The following HESX1 variants were observed in gnomAD, a reference collection of about 807,000 sequenced individuals.
The protein encoded by HESX1 is HESX homeobox 1, also known as homeobox expressed in ES cells 1.
Under a neutral mutation model 22.5 loss-of-function variants are expected in HESX1, and 11 were observed. The observed-to-expected ratio is 0.49, with a 90% confidence interval of 0.31 to 0.81. HESX1 has a LOEUF of 0.81. HESX1 is among the 30% of genes least tolerant of loss of function. The pLI is 0.05. For synonymous variants in HESX1, 74 were observed against 76.5 expected, an observed-to-expected ratio of 0.97 and a Z score of 0.17; for missense variants, 201 against 212.6, an observed-to-expected ratio of 0.95 and a Z score of 0.34.
intron 1 of HESX1, among the ~76,000 whole-genome samples, chr3:57,205,889 A>C (rs1226334967): frequency 6.6e-6 from 1 of 152,048 alleles, no homozygotes; most frequent in Non-Finnish European, 1.5e-5. Context: ...TTCACTCCCT[A>C]GCATTCAAAA....
intron 1 of HESX1, among the ~76,000 whole-genome samples, chr3:57,220,318 T>C (rs2060608702): frequency 6.6e-6 from 1 of 152,224 alleles, no homozygotes; most frequent in South Asian, 2.1e-4. Context: ...TTGTCCTGTT[T>C]ATAGTGAATG....
chr3:57,226,020 C>T (rs1247768889), intron 1 of HESX1, among the ~76,000 whole-genome samples: 3 of 151,774 alleles, frequency 2.0e-5, no homozygotes, highest in Non-Finnish European at 4.4e-5. Context: ...GCTGGGACTA[C>T]AGGCACGCCA....
chr3:57,202,399 G>A (rs372954672), upstream of HESX1, among the ~76,000 whole-genome samples: 4 of 151,924 alleles, frequency 2.6e-5, no homozygotes, highest in East Asian at 7.8e-4. Flanking sequence ...GCGGTGGCGT[G>A]ATCTCGGCTC....
chr3:57,209,766 A>G (rs1183967832), intron 1 of HESX1, among the ~76,000 whole-genome samples: 1 of 152,108 alleles, frequency 6.6e-6, no homozygotes, highest in Non-Finnish European at 1.5e-5. Flanking sequence ...GTATTTCACC[A>G]TTAAAATAGT....
intron 1 of HESX1, among the ~76,000 whole-genome samples, chr3:57,224,117 C>G (rs1052372909): frequency 2.0e-5 from 3 of 152,036 alleles, no homozygotes; most frequent in Non-Finnish European, 4.4e-5. Context: ...CTCAGCCTCC[C>G]GAGTAGCTGG....
At chr3:57,215,692 G>A (rs568674400) in intron 1 of HESX1, among the ~76,000 whole-genome samples, 30 of 152,122 alleles carry the variant, frequency 2.0e-4, no homozygotes, top group East Asian at 1.6e-3. Flanking sequence ...GCTTGAACCC[G>A]GGAGGCAGAG....
upstream of HESX1, among the ~76,000 whole-genome samples, chr3:57,201,715 C>T (rs2060487509): frequency 6.6e-6 from 1 of 151,306 alleles, no homozygotes; most frequent in Non-Finnish European, 1.5e-5. Flanking sequence ...CCCTGAGCCC[C>T]GCAGATGAGT....
intron 1 of HESX1, among the ~76,000 whole-genome samples, chr3:57,225,182 C>T (rs553855740): frequency 6.6e-4 from 100 of 152,254 alleles, no homozygotes; most frequent in African/African-American, 2.3e-3. Context: ...TTAGGAAATA[C>T]AACCATATTT....
At chr3:57,215,219 T>C (rs1281955332) in intron 1 of HESX1, among the ~76,000 whole-genome samples, 4 of 152,222 alleles carry the variant, frequency 2.6e-5, no homozygotes, top group South Asian at 2.1e-4. Flanking sequence ...ATATTAGAAA[T>C]AGTTTAAAAT....
chr3:57,222,608 A>T (rs6794708), intron 1 of HESX1, among the ~76,000 whole-genome samples: 56,187 of 151,970 alleles, frequency 0.37, 12,530 homozygotes, highest in East Asian at 0.92. Context: ...CAGAATTCCC[A>T]TGTGGGGTAA....
At chr3:57,219,931 C>T (rs146976713) in intron 1 of HESX1, among the ~76,000 whole-genome samples, 3,649 of 152,226 alleles carry the variant, frequency 0.024, 68 homozygotes, top group South Asian at 0.04. Flanking sequence ...ATGTCCACAA[C>T]GGTATTGCCT....
Position 57,198,951 on chromosome 3 carries a change from C to T in HESX1, c.159G>A (p.Gly53=), listed in dbSNP as rs751219206. 1 of 1,613,762 alleles carries T rather than the reference C, an allele frequency of 6.2e-7. No homozygotes were observed. Among genetic ancestry groups the T allele is most frequent in the Non-Finnish European group, 8.5e-7 (1 of 1,179,758 alleles). ...CATGTAGACATAAGTTACCATCTTT[C>T]CCTAAAAACAAAAAAATAAGCCCTG... ...RPWADTCSSS[G]KDGNLCLHVP... is the part of the protein sequence containing the mutation. The change falls in exon 2 of 4, where the codon GGG becomes GGA. Residue 53 remains glycine (G), a splice_region_variant and synonymous_variant. Coordinates refer to ENST00000295934, the MANE Select transcript of HESX1 (RefSeq NM_003865.3).
At chr3:57,209,099 G>A (rs915056315) in intron 1 of HESX1, among the ~76,000 whole-genome samples, 9 of 152,312 alleles carry the variant, frequency 5.9e-5, no homozygotes, top group Middle Eastern at 3.4e-3. Context: ...TTTCTGGGAT[G>A]ATGAAAATGT....
upstream of HESX1, among the ~76,000 whole-genome samples, chr3:57,201,127 T>C (rs190723891): frequency 1.3e-5 from 2 of 152,326 alleles, no homozygotes; most frequent in Admixed American, 1.3e-4. Flanking sequence ...TCTCCACTCA[T>C]AGAGGAAATA....
intron 1 of HESX1, among the ~76,000 whole-genome samples, chr3:57,222,293 G>A (rs191282355): frequency 1.3e-5 from 2 of 152,088 alleles, no homozygotes; most frequent in Admixed American, 6.6e-5. Context: ...ACAGGGTCTC[G>A]CTATCACCAG....
At chr3:57,218,077 A>G (rs2060592892) in intron 1 of HESX1, among the ~76,000 whole-genome samples, 1 of 152,194 alleles carries the variant, frequency 6.6e-6, no homozygotes, top group Admixed American at 6.5e-5. Context: ...AGGGAAGAGG[A>G]AAAACTATAA....
At position 57,199,074 on chromosome 3, in the gene HESX1, A is replaced by G. The variant is rs866660953; in HGVS notation, c.158-122T>C. The G allele has an allele frequency of 5.6e-6, 5 of 897,908 alleles. No individual in the cohort carries two copies. In the East Asian group the frequency reaches 1.2e-4, roughly 22 times the overall value. The allele number at this position is 897,908 out of a possible 1,614,324, so 55.6% of individuals were successfully genotyped here. On this transcript the variant is annotated intron_variant, in intron 1 of 3. Transcript: ENST00000295934. ...GTGGAATTCTGGGGTTCACAAGAGA[A>G]TTGCACCCCGTTAACCAAAAACCAA...
At chr3:57,225,881 C>CTTTTTT (rs540522007) in intron 1 of HESX1, among the ~76,000 whole-genome samples, 151 of 131,974 alleles carry the variant, frequency 1.1e-3, no homozygotes, top group Non-Finnish European at 1.9e-3. Flanking sequence ...CTTTTCTTTT[C>CTTTTTT]TTTTTTTTTT....
At chr3:57,215,941 T>A (rs2060580484) in intron 1 of HESX1, among the ~76,000 whole-genome samples, 1 of 152,254 alleles carries the variant, frequency 6.6e-6, no homozygotes, top group Non-Finnish European at 1.5e-5. Context: ...ACTTAAAAGT[T>A]GCAAGTACAG....
Sources: gnomAD v4.1 joint callset for allele counts (sites outside exome capture counted in the v4.1 genomes callset) on GRCh38, gnomAD v4.1.1 for gene constraint, MANE v1.5 for transcripts, NCBI Gene and HGNC (gene_info 2026-07-23, HGNC 2026-07-21) for gene names.